The following CD36 variants were observed in gnomAD, a reference collection of about 807,000 sequenced individuals.
The protein encoded by CD36 is CD36 molecule (CD36 blood group), also known as platelet glycoprotein 4.
A neutral mutation model predicts 55.2 loss-of-function variants in CD36; 119 were observed. The observed-to-expected ratio is 2.15, with a 90% CI of 1.86 to 2.51. CD36 has a LOEUF of 2.51. Ranked by LOEUF, CD36 falls within the 30% of genes most tolerant of loss-of-function variation. The pLI is 0.00. For missense variants in CD36, 819 were observed against 555.5 expected (o/e 1.47, Z -4.77); for synonymous variants, 186 against 193.6 (o/e 0.96, Z 0.33).
At chr7:80,637,902 AT>A (rs1329116280), upstream of CD36, among the ~76,000 whole-genome samples, 1 of 73,428 alleles carries the variant, frequency 1.4e-5, no homozygotes, top group Non-Finnish European at 3.4e-5. Context: ...CAATATCAAC[AT>A]AATGCTTTTT....
rs150707561 is a variant in CD36 at position 80,608,145 on chromosome 7, G to T, written c.-184+5766G>T. 2.0e-3 allele frequency among the ~76,000 whole-genome samples: 305 copies of T among 152,100 alleles called. 1 individual carries two copies. The highest frequency in any genetic ancestry group is 6.9e-3 in the African/African-American group (285 of 41,476). On this transcript the variant is annotated intron_variant, in intron 1 of 13. Transcript: ENST00000309881. ...ATCCCCAAATGAGTGTCTTTTACTA[G>T]GCTTGAATTTATCCCAGCATTCAAT...
rs772773399 is a variant in CD36, at chr7:80,674,075, CAGTGTT to C, written c.1348_1353del (p.Ser450_Val451del). 2.7e-5 allele frequency: 43 copies of C among 1,611,730 alleles called. No homozygotes were observed. The highest frequency in any genetic ancestry group is 5.0e-5 in the Admixed American group (3 of 59,874). On this transcript the variant is annotated inframe_deletion, in exon 14 of 15. Transcript: ENST00000447544. Reference sequence around the variant, plus strand: ...TTGGCCTGATAGAAATGATCTTACTCAGTGTTGGTGTGGTGATGTTTGTTGCTTTTA... The same window carrying C: ...TTGGCCTGATAGAAATGATCTTACTCGGTGTGGTGATGTTTGTTGCTTTTA...
chr7:80,652,950 C>A (rs922765013), intron 3 of CD36, among the ~76,000 whole-genome samples: 2 of 152,092 alleles, frequency 1.3e-5, no homozygotes, highest in African/African-American at 4.8e-5. Context: ...TGCCAAAATT[C>A]AACTTTTTTT....
intron 3 of CD36, among the ~76,000 whole-genome samples, chr7:80,652,109 A>T (rs1795673468): frequency 6.6e-6 from 1 of 152,176 alleles, no homozygotes; most frequent in South Asian, 2.1e-4. Flanking sequence ...ATAACGTAAG[A>T]ACAACCCAAA....
intron 10 of CD36, 126 bp from the exon 11 acceptor site, chr7:80,671,796 C>A: frequency 1.3e-6 from 1 of 776,062 alleles, no homozygotes; most frequent in South Asian, 1.5e-5. Flanking sequence ...TAATTCTTCC[C>A]CACCCATGTT....
Position 80,664,436 on chromosome 7 carries a change from G to T in CD36, c.640G>T (p.Val214Phe). The T allele has an allele frequency of 6.3e-7, 1 of 1,576,606 alleles. No individual in the cohort carries two copies. The highest frequency in any genetic ancestry group is 8.7e-7 in the Non-Finnish European group (1 of 1,146,250). ...YNNTADGVYK[V>F]FNGKDNISKV... ...CAATACTGCAGATGGAGTTTATAAA[G>T]TTTTCAATGGAAAAGATAACATAAG... is the stretch of plus-strand genomic sequence containing the variant. Residue 214 changes from valine (V) to phenylalanine (F), a missense_variant, in exon 7 of 15, where the codon GTT becomes TTT. By Grantham distance (50) the Val-to-Phe change is conservative (BLOSUM62 -1). Coordinates refer to ENST00000447544, the MANE Select transcript of CD36 (RefSeq NM_001001548.3).
chr7:80,613,623 A>G (rs1409527689), intron 1 of CD36, among the ~76,000 whole-genome samples: 3 of 152,246 alleles, frequency 2.0e-5, no homozygotes, highest in African/African-American at 7.2e-5. Flanking sequence ...AATCACAGTG[A>G]AAAATTTTAA....
chr7:80,659,650 T>C (rs2116630979), intron 4 of CD36, among the ~76,000 whole-genome samples: 1 of 146,570 alleles, frequency 6.8e-6, no homozygotes, highest in Admixed American at 6.9e-5. Flanking sequence ...ATTTTTCTTC[T>C]AGTGACTGCC....
intron 1 of CD36, among the ~76,000 whole-genome samples, chr7:80,614,346 T>C (rs916230077): frequency 1.3e-5 from 2 of 152,158 alleles, no homozygotes; most frequent in Non-Finnish European, 2.9e-5. Context: ...TCTCTTTCAC[T>C]CTTTATCCTA....
chr7:80,609,278 C>T (rs891742336), intron 1 of CD36, among the ~76,000 whole-genome samples: 1 of 152,094 alleles, frequency 6.6e-6, no homozygotes, highest in African/African-American at 2.4e-5. Context: ...CATGTTTCCC[C>T]AGTTGTATGT....
At chr7:80,632,659 G>A (rs2116127408) in intron 1 of CD36, among the ~76,000 whole-genome samples, 1 of 151,972 alleles carries the variant, frequency 6.6e-6, no homozygotes, top group Admixed American at 6.6e-5. Flanking sequence ...TATTCATCAT[G>A]CTGATCAATT....
chr7:80,620,919 G>A (rs946287195), intron 1 of CD36, among the ~76,000 whole-genome samples: 2 of 152,172 alleles, frequency 1.3e-5, no homozygotes, highest in African/African-American at 4.8e-5. Context: ...GGTTTGAGAG[G>A]ATTGTCCCAG....
intron 3 of CD36, among the ~76,000 whole-genome samples, chr7:80,653,447 T>C (rs1176931647): frequency 6.6e-6 from 1 of 152,182 alleles, no homozygotes; most frequent in Non-Finnish European, 1.5e-5. Context: ...TTCAAATTAA[T>C]GTAGCAGAAT....
At chr7:80,634,811 T>A (rs79454976), upstream of CD36, among the ~76,000 whole-genome samples, 1 of 152,078 alleles carries the variant, frequency 6.6e-6, no homozygotes, top group African/African-American at 2.4e-5. Context: ...ATTTTTTTTT[T>A]AGTATGCTCA....
At chr7:80,673,721 A>ATAAGTCT in intron 13 of CD36, 1 of 567,048 alleles carries the variant, frequency 1.8e-6, no homozygotes, top group South Asian at 2.2e-5. Flanking sequence ...AAAACATTGA[A>ATAAGTCT]TAAGTCTTTG....
intron 3 of CD36, among the ~76,000 whole-genome samples, chr7:80,647,439 A>G (rs1795254893): frequency 6.6e-6 from 1 of 152,176 alleles, no homozygotes; most frequent in Admixed American, 6.6e-5. Flanking sequence ...ATCTTAGAAA[A>G]TACTTTCAGA....
At chr7:80,660,864 C>T (rs1796459399) in intron 4 of CD36, among the ~76,000 whole-genome samples, 199 bp from the exon 5 acceptor site, 1 of 152,120 alleles carries the variant, frequency 6.6e-6, no homozygotes, top group Non-Finnish European at 1.5e-5. Context: ...ATTTTAATTT[C>T]CAGTTTGCCA....
At chr7:80,667,108 ATTAG>A (rs1292357602) in intron 8 of CD36, among the ~76,000 whole-genome samples, 1 of 152,166 alleles carries the variant, frequency 6.6e-6, no homozygotes, top group African/African-American at 2.4e-5. Context: ...AGATATGCCT[ATTAG>A]TTTAAGAATT....
intron 14 of CD36, chr7:80,676,013 T>C (rs1046207861): frequency 6.6e-6 from 1 of 152,174 alleles, no homozygotes; most frequent in African/African-American, 2.4e-5. Context: ...TTTTGCCCTA[T>C]TGGTGAAGTC....
Sources: gnomAD v4.1 joint callset for allele counts (sites outside exome capture counted in the v4.1 genomes callset) on GRCh38, gnomAD v4.1.1 for gene constraint, MANE v1.5 for transcripts, NCBI Gene and HGNC (gene_info 2026-07-23, HGNC 2026-07-21) for gene names.